MSH6: variants seen among roughly 807,000 people sequenced by gnomAD.
MSH6 encodes DNA mismatch repair protein Msh6.
A neutral mutation model predicts 119.1 loss-of-function variants in MSH6; 85 were observed. The observed-to-expected ratio is 0.71, with a 90% CI of 0.60 to 0.85. MSH6 has a LOEUF of 0.85. Among genes scored for constraint, MSH6 ranks in the 40% least tolerant of loss-of-function variants. The probability of loss-of-function intolerance (pLI) is 0.00; values close to 1 mark genes in which losing one functional copy is unlikely to be tolerated. For synonymous variants in MSH6, 830 were observed against 586.9 expected (o/e 1.41, Z -5.99); for missense variants, 2,163 against 1,655.3 (o/e 1.31, Z -5.32).
chr2:47,802,929 T>TG (rs1413440325), intron 4 of MSH6, among the ~76,000 whole-genome samples: 3 of 152,162 alleles, frequency 2.0e-5, no homozygotes, highest in Non-Finnish European at 2.9e-5. Context: ...TGTTTTGTTT[T>TG]TTGAGACAGA....
At chr2:47,809,520 G>C, downstream of MSH6, 2 of 1,009,092 alleles carry the variant, frequency 2.0e-6, no homozygotes, top group Non-Finnish European at 3.0e-6. Flanking sequence ...GTGACATAAG[G>C]AATCAAGTTA....
At chr2:47,784,860 T>C (rs1668252754) in intron 1 of MSH6, 1 of 151,294 alleles carries the variant, frequency 6.6e-6, no homozygotes, top group Non-Finnish European at 1.5e-5. Flanking sequence ...AGAGTCTTGC[T>C]CTTTTGTCCA....
downstream of MSH6, chr2:47,808,509 C>A: frequency 2.3e-6 from 3 of 1,292,628 alleles, no homozygotes; most frequent in South Asian, 1.6e-5. Flanking sequence ...ATTACTATGA[C>A]CTTTGGCTTT....
chr2:47,799,651 TG>T lies in MSH6; in HGVS notation c.1670del (p.Gly557ValfsTer14), dbSNP rs747426620. On this transcript the variant is annotated frameshift_variant, in exon 4 of 10. Coordinates refer to ENST00000234420, the MANE Select transcript of MSH6 (RefSeq NM_000179.3). LOFTEE classifies it high-confidence loss of function. ...ATTCTTCTGGCCATACTCGTGCATATGGTGTGTGCTTTGTTGATACTTCACT... is the reference window on the plus strand; with the variant it reads ...ATTCTTCTGGCCATACTCGTGCATATGTGTGTGCTTTGTTGATACTTCACT... ...EDSSGHTRAY[G>X]VCFVDTSLGK... 1 of 1,614,174 alleles carries T rather than the reference TG, an allele frequency of 6.2e-7. No homozygotes were observed.
intron 1 of MSH6, among the ~76,000 whole-genome samples, chr2:47,785,632 C>G (rs1668305137): frequency 6.6e-6 from 1 of 152,148 alleles, no homozygotes; most frequent in Admixed American, 6.5e-5. Flanking sequence ...CTTGTTTAAG[C>G]GACCCTTTCC....
chr2:47,799,250 C>T lies in MSH6; in HGVS notation c.1267C>T (p.Leu423Phe), dbSNP rs587781657. Residue 423 changes from leucine to phenylalanine, a missense_variant, in exon 4 of 10, where the codon CTT becomes TTT. Transcript: ENST00000234420. ...GCAGATTAAGTCTCAGAACTTTGAT[C>T]TTGTCATCTGTTACAAGGTGGGGAA... is the stretch of plus-strand genomic sequence containing the variant. ...WWQIKSQNFD[L>F]VICYKVGKFY... 6.2e-7 allele frequency: 1 copy of T among 1,614,126 alleles called. No homozygotes were observed. The highest frequency in any genetic ancestry group is 8.5e-7 in the Non-Finnish European group (1 of 1,180,024).
rs775618855 is a variant in MSH6, at chr2:47,799,564, G to A, written c.1581G>A (p.Leu527=). The change falls in exon 4 of 10, where the codon CTG becomes CTA. Residue 527 remains leucine, a synonymous_variant. Transcript: ENST00000234420. The part of the protein sequence containing the change: ...ITKGTQTYSV[L]EGDPSENYSK... ...AGGGTACACAGACTTACAGTGTGCT[G>A]GAAGGTGATCCCTCTGAGAACTACA... 1 of 1,614,188 alleles carries A rather than the reference G, an allele frequency of 6.2e-7. No homozygotes were observed. Among genetic ancestry groups the A allele is most frequent in the East Asian group, 2.2e-5 (1 of 44,888 alleles).
In MSH6 at chr2:47,783,334, C is replaced by G. The variant is rs746624223; in HGVS notation, c.101C>G (p.Ala34Gly). The change falls in exon 1 of 10, where the codon GCC becomes GGC. Residue 34 changes from alanine to glycine, a missense_variant. Ala to Gly is a moderately conservative substitution (Grantham distance 60, BLOSUM62 0). Coordinates refer to ENST00000234420, the MANE Select transcript of MSH6 (RefSeq NM_000179.3). ...AGGGCCTCACGCGAAGGCGGCCGTG[C>G]CGCCGCTGCCCCCGGGGCCTCTCCT... The part of the protein sequence containing the change: ...SARASREGGR[A>G]AAAPGASPSP... 2 of 1,610,418 alleles carry G rather than the reference C, an allele frequency of 1.2e-6. No homozygotes were observed. The highest frequency in any genetic ancestry group is 2.2e-5 in the South Asian group (2 of 90,794).
intron 1 of MSH6, among the ~76,000 whole-genome samples, chr2:47,788,907 C>CTTTTTTTTG (rs1668533452): frequency 1.2e-4 from 2 of 17,278 alleles, no homozygotes; most frequent in Non-Finnish European, 2.0e-4. Context: ...TTTCTTCTTC[C>CTTTTTTTTG]TTTTTTTTTT....
rs758830540 is a variant in MSH6, at chr2:47,806,362, T to C, written c.3801+4T>C. ...TGCTGTGCGCCTAGGACATATGGTA[T>C]GTGCAAATTGTTTTTTTCCACAAAT... On this transcript the variant is annotated splice_donor_region_variant and intron_variant, in intron 8 of 9. Coordinates refer to ENST00000234420, the MANE Select transcript of MSH6 (RefSeq NM_000179.3). 13 of 1,614,030 alleles carry C rather than the reference T, an allele frequency of 8.1e-6. No homozygotes were observed. In the East Asian group the frequency reaches 2.7e-4, roughly 33 times the overall value.
At chr2:47,793,437 G>C (rs969434893) in intron 2 of MSH6, among the ~76,000 whole-genome samples, 1 of 149,816 alleles carries the variant, frequency 6.7e-6, no homozygotes, top group African/African-American at 2.4e-5. Context: ...AGACCAGCCT[G>C]ACCAAGATGG....
intron 5 of MSH6, among the ~76,000 whole-genome samples, chr2:47,804,332 T>C (rs538970604): frequency 6.6e-6 from 1 of 152,260 alleles, no homozygotes; most frequent in African/African-American, 2.4e-5. Flanking sequence ...TAACCAGGGG[T>C]TGACCAGCCA....
Position 47,798,766 on chromosome 2 carries a change from T to G in MSH6, c.783T>G (p.Ser261=). 6.2e-7 allele frequency: 1 copy of G among 1,614,124 alleles called. No homozygotes were observed. The highest frequency in any genetic ancestry group is 8.5e-7 in the Non-Finnish European group (1 of 1,180,018). The change falls in exon 4 of 10, where the codon TCT becomes TCG. Residue 261 remains serine (S), a synonymous_variant. Coordinates refer to ENST00000234420, the MANE Select transcript of MSH6 (RefSeq NM_000179.3). ...ISDSESDIGG[S]DVEFKPDTKE... ...ATTCTGAGAGTGACATTGGTGGCTC[T>G]GATGTGGAATTTAAGCCAGACACTA...
chr2:47,788,426 T>A (rs1410054657), intron 1 of MSH6, among the ~76,000 whole-genome samples: 3 of 141,476 alleles, frequency 2.1e-5, no homozygotes, highest in Non-Finnish European at 4.6e-5. Flanking sequence ...AGCTAATTTT[T>A]ATTTTTTTAG....
intron 1 of MSH6, chr2:47,784,119 G>C (rs1409154332): frequency 8.0e-6 from 8 of 1,005,182 alleles, no homozygotes; most frequent in Non-Finnish European, 9.5e-6. Context: ...AGGGGCCGCC[G>C]AGGGGGTGGG....
chr2:47,797,281 C>T (rs192925914), intron 3 of MSH6, among the ~76,000 whole-genome samples: 1 of 152,214 alleles, frequency 6.6e-6, no homozygotes, highest in East Asian at 1.9e-4. Flanking sequence ...AGCTCAGTTT[C>T]ATGTTTTGTT....
intron 3 of MSH6, among the ~76,000 whole-genome samples, chr2:47,796,900 C>T (rs551825304): frequency 3.3e-5 from 5 of 152,214 alleles, no homozygotes; most frequent in Admixed American, 1.3e-4. Context: ...GGCAGAGGGA[C>T]TTGGGAGGCA....
intron 2 of MSH6, 79 bp downstream of exon 2, chr2:47,791,202 T>G: frequency 3.7e-6 from 5 of 1,343,112 alleles, no homozygotes; most frequent in Non-Finnish European, 5.3e-6. Context: ...CAGGCAGACT[T>G]TTTTCTATAT....
Position 47,788,906 on chromosome 2 carries a change from C to CTTTTTTTTTTTTTTTTTTTTT in MSH6, c.261-2021_261-2020insTTTTTTTTTTTTTTTTTTTTT, listed in dbSNP as rs1491155839. On this transcript the variant is annotated intron_variant, in intron 1 of 9. Coordinates refer to ENST00000234420, the MANE Select transcript of MSH6 (RefSeq NM_000179.3). ...GCTATTTCTTTCTTTCTTTCTTCTTCCTTTTTTTTTTTTTTGTTTTTTTTT... is the reference window on the plus strand; with the variant it reads ...GCTATTTCTTTCTTTCTTTCTTCTTCTTTTTTTTTTTTTTTTTTTTTCTTTTTTTTTTTTTTGTTTTTTTTT... Among the ~76,000 whole-genome samples, 22 of 15,822 alleles carry CTTTTTTTTTTTTTTTTTTTTT rather than the reference C, an allele frequency of 1.4e-3. 3 individuals carry two copies. The highest frequency in any genetic ancestry group is 3.8e-3 in the East Asian group (3 of 794). 10.4% of individuals were successfully genotyped at this position (15,822 alleles called of 152,430 possible).
Sources: gnomAD v4.1 joint callset for allele counts (sites outside exome capture counted in the v4.1 genomes callset) on GRCh38, gnomAD v4.1.1 for gene constraint, MANE v1.5 for transcripts, NCBI Gene and HGNC (gene_info 2026-07-23, HGNC 2026-07-21) for gene names.